Variants in EIF3H observed in about 807,000 individuals in gnomAD.
EIF3H encodes eIF-3-gamma.
EIF3H carries 26 observed loss-of-function variants against 44.2 expected under a neutral mutation model. The ratio of observed to expected loss-of-function variants is 0.59; its 90% CI spans 0.43 to 0.82. The LOEUF (loss-of-function observed/expected upper bound fraction) is 0.82. Ranked by LOEUF, EIF3H falls within the 40% of genes least tolerant of loss-of-function variation. The pLI, the probability that EIF3H is intolerant of heterozygous loss-of-function variation, is 0.00. For synonymous variants in EIF3H, 166 were observed against 151.9 expected (o/e 1.09, Z -0.68); for missense variants, 359 against 432.8 (o/e 0.83, Z 1.51).
At chr8:116,649,037 G>A in intron 5 of EIF3H, 111 bp from the exon 6 acceptor site, 1 of 929,698 alleles carries the variant, frequency 1.1e-6, no homozygotes, top group Non-Finnish European at 1.5e-6. Flanking sequence ...AAAAGAATGA[G>A]AGCACACATA....
chr8:116,736,960 TTA>T, intron 1 of EIF3H, among the ~76,000 whole-genome samples: 1 of 152,242 alleles, frequency 6.6e-6, no homozygotes, highest in South Asian at 2.1e-4. Context: ...AGTATACTGC[TTA>T]GAATTTTGCT....
chr8:116,743,712 C>T lies in EIF3H; in HGVS notation c.132+11954G>A, dbSNP rs1365575818. Among the ~76,000 whole-genome samples the T allele has an allele frequency of 2.8e-5, 4 of 144,612 alleles. No individual in the cohort carries two copies. The East Asian group carries it at 6.2e-4, about 22-fold the overall frequency. The allele number at this position is 144,612 out of a possible 152,430, so 94.9% of individuals were successfully genotyped here. A position where few individuals can be genotyped will look rare whatever the true frequency, so the allele number is the denominator to read the frequency against. On this transcript the variant is annotated intron_variant, in intron 1 of 7. Transcript: ENST00000521861. ...GGTGGAGGCTGCAGCGAGCCGAGAT[C>T]GCACCACTGCACTCCAGCCTGGGCG...
chr8:116,764,480 G>C (rs1437447365), intron 1 of EIF3H, among the ~76,000 whole-genome samples: 1 of 152,098 alleles, frequency 6.6e-6, no homozygotes, highest in Non-Finnish European at 1.5e-5. Context: ...AGGTCCTTCA[G>C]GAACACTAAT....
intron 2 of EIF3H, 151 bp from the exon 3 acceptor site, chr8:116,659,131 T>A (rs1350879127): frequency 9.3e-6 from 6 of 647,060 alleles, no homozygotes; most frequent in Non-Finnish European, 1.5e-5. Context: ...TCAGTTCACA[T>A]ATAAAGCAAA....
chr8:116,690,907 T>C (rs1324501915), intron 2 of EIF3H, among the ~76,000 whole-genome samples: 3 of 152,152 alleles, frequency 2.0e-5, no homozygotes, highest in African/African-American at 7.2e-5. Flanking sequence ...CTCAACACAT[T>C]AAAGGCTCTG....
At chr8:116,649,707 C>G (rs1225642295) in intron 5 of EIF3H, among the ~76,000 whole-genome samples, 2 of 152,162 alleles carry the variant, frequency 1.3e-5, no homozygotes, top group East Asian at 1.9e-4. Flanking sequence ...ATGTGCCAGC[C>G]TTAGTACTAG....
At chr8:116,669,523 GTGAATAGC>G (rs1251873806) in intron 2 of EIF3H, among the ~76,000 whole-genome samples, 2 of 152,146 alleles carry the variant, frequency 1.3e-5, no homozygotes, top group South Asian at 4.1e-4. Flanking sequence ...GCCCACCCAA[GTGAATAGC>G]TAAAGTAGGT....
At chr8:116,728,368 G>C (rs908343851) in intron 1 of EIF3H, among the ~76,000 whole-genome samples, 2 of 152,038 alleles carry the variant, frequency 1.3e-5, no homozygotes, top group Non-Finnish European at 2.9e-5. Flanking sequence ...CTAGGAAGTA[G>C]TAGAGCCAAG....
At chr8:116,764,012 T>C (rs1815543844) in intron 1 of EIF3H, among the ~76,000 whole-genome samples, 1 of 152,120 alleles carries the variant, frequency 6.6e-6, no homozygotes, top group Admixed American at 6.6e-5. Context: ...AGAAAAAAAC[T>C]TCAAAATCAT....
rs1449381317 is a variant in EIF3H, at chr8:116,642,562, T to C, written c.*2444A>G. Reference sequence around the variant, plus strand: ...AGTTAATGTCAAATATCTTCTACTTTCTTGGTTTTTTAACATTCGATTTTT... The same window carrying C: ...AGTTAATGTCAAATATCTTCTACTTCCTTGGTTTTTTAACATTCGATTTTT... On this transcript the variant is annotated 3_prime_UTR_variant, in exon 8 of 8. Transcript: ENST00000521861. The C allele has an allele frequency of 6.6e-6, 1 of 152,248 alleles. No individual in the cohort carries two copies. The highest frequency in any genetic ancestry group is 2.4e-5 in the African/African-American group (1 of 41,458). 9.4% of individuals were successfully genotyped at this position (152,248 alleles called of 1,614,324 possible). A position where few individuals can be genotyped will look rare whatever the true frequency, so the allele number is the denominator to read the frequency against.
intron 2 of EIF3H, among the ~76,000 whole-genome samples, chr8:116,680,713 T>G (rs1259982998): frequency 2.0e-4 from 28 of 141,014 alleles, no homozygotes; most frequent in African/African-American, 6.4e-4. Context: ...GTCCTCTGCC[T>G]AGGAAAACCA....
chr8:116,760,649 T>C (rs974208687), upstream of EIF3H, among the ~76,000 whole-genome samples: 4 of 152,206 alleles, frequency 2.6e-5, no homozygotes, highest in Non-Finnish European at 5.9e-5. Flanking sequence ...GTGACTTTTA[T>C]TTTGTATAAT....
intron 2 of EIF3H, among the ~76,000 whole-genome samples, chr8:116,670,388 A>G (rs1208960460): frequency 3.9e-5 from 6 of 152,302 alleles, no homozygotes; most frequent in African/African-American, 9.6e-5. Context: ...AAGATACACT[A>G]TCAGGACAAG....
chr8:116,679,281 T>C (rs1454655631), intron 2 of EIF3H, among the ~76,000 whole-genome samples: 1 of 39,604 alleles, frequency 2.5e-5, no homozygotes, highest in Non-Finnish European at 7.6e-5. Context: ...AGCCGCCCCG[T>C]CCGGGAGGGA....
chr8:116,737,309 CTT>C lies in EIF3H; in HGVS notation c.133-11139_133-11138del, dbSNP rs763974581. The C allele has an allele frequency of 2.8e-5, 12 of 434,334 alleles. 1 individual carries two copies. The highest frequency in any genetic ancestry group is 2.1e-4 in the East Asian group (3 of 14,274). 26.9% of individuals were successfully genotyped at this position (434,334 alleles called of 1,614,324 possible). On this transcript the variant is annotated intron_variant, in intron 1 of 7. Transcript: ENST00000521861. ...TTCCCTGGGGAAGAAAAAAAAAAGA[CTT>C]TGTCATTCTTCAAATTCCCAAAAAA...
At chr8:116,678,138 C>T (rs1165848901) in intron 2 of EIF3H, among the ~76,000 whole-genome samples, 2 of 150,862 alleles carry the variant, frequency 1.3e-5, no homozygotes, top group African/African-American at 4.9e-5. Context: ...TGCAGGCGCG[C>T]GCCGCCACGC....
chr8:116,716,548 AAG>A (rs1303631692), intron 2 of EIF3H, among the ~76,000 whole-genome samples: 3 of 152,106 alleles, frequency 2.0e-5, no homozygotes, highest in African/African-American at 7.2e-5. Flanking sequence ...TTTATGATGA[AAG>A]AGAGGATTTA....
chr8:116,696,435 T>A (rs946273389), intron 2 of EIF3H, among the ~76,000 whole-genome samples: 9 of 152,158 alleles, frequency 5.9e-5, no homozygotes, highest in African/African-American at 2.2e-4. Context: ...AAATTGAAAA[T>A]TTCTTAAAAG....
chr8:116,733,064 G>C (rs747642500), intron 1 of EIF3H, among the ~76,000 whole-genome samples: 37 of 152,128 alleles, frequency 2.4e-4, no homozygotes, highest in Non-Finnish European at 4.0e-4. Context: ...TAAATCAGGA[G>C]TTCCCACAAA....
Sources: allele counts gnomAD v4.1 joint callset (sites outside exome capture counted in the v4.1 genomes callset), GRCh38; gene constraint gnomAD v4.1.1; transcripts MANE v1.5; gene names NCBI Gene and HGNC (gene_info 2026-07-23, HGNC 2026-07-21).